EP300: variants seen among roughly 807,000 people sequenced by gnomAD.
EP300 encodes histone acetyltransferase p300.
A neutral mutation model predicts 264.0 loss-of-function variants in EP300; 31 were observed. The observed-to-expected ratio is 0.12, with a 90% CI of 0.09 to 0.16. The LOEUF is 0.16. Among genes scored for constraint, EP300 ranks in the 10% least tolerant of loss-of-function variants. The pLI is 1.00. For synonymous variants in EP300, 1,340 were observed against 1,045.4 expected, an observed-to-expected ratio of 1.28 and a Z score of -5.44; for missense variants, 2,766 against 3,052.9, an observed-to-expected ratio of 0.91 and a Z score of 2.21.
intron 4 of EP300, among the ~76,000 whole-genome samples, chr22:41,129,018 G>GTTTT (rs545122020): frequency 4.1e-5 from 6 of 147,474 alleles, no homozygotes; most frequent in South Asian, 4.3e-4. Context: ...TAAAAACACA[G>GTTTT]TTTTTTTTTT....
chr22:41,143,786 C>G (rs1033784141), intron 10 of EP300, among the ~76,000 whole-genome samples: 1 of 152,148 alleles, frequency 6.6e-6, no homozygotes, highest in Non-Finnish European at 1.5e-5. Flanking sequence ...ACCATGTTGG[C>G]CAACCTAGTC....
chr22:41,131,661 G>A (rs1278161132), intron 6 of EP300, 28 bp downstream of exon 6: 1 of 1,613,882 alleles, frequency 6.2e-7, no homozygotes, highest in South Asian at 1.1e-5. Context: ...TAATAACATG[G>A]TATTGGTTGT....
Position 41,176,978 on chromosome 22 carries a change from C to T in EP300, c.5267C>T (p.Pro1756Leu). ...CQCRNANCSL[P>L]SCQKMKRVVQ... is the part of the protein sequence containing the mutation. ...TGTCGGAATGCCAATTGCTCACTGCCATCCTGCCAGAAGATGAAGCGGGTT... is the reference window on the plus strand; with the variant it reads ...TGTCGGAATGCCAATTGCTCACTGCTATCCTGCCAGAAGATGAAGCGGGTT... The change falls in exon 31 of 31, where the codon CCA becomes CTA. Residue 1756 changes from proline to leucine, a missense_variant. Physicochemically the swap from Pro to Leu is moderately conservative, Grantham distance 98. Coordinates refer to ENST00000263253, the MANE Select transcript of EP300 (RefSeq NM_001429.4). 1 of 1,614,170 alleles carries T rather than the reference C, an allele frequency of 6.2e-7. No homozygotes were observed. Among genetic ancestry groups the T allele is most frequent in the South Asian group, 1.1e-5 (1 of 91,080 alleles).
chr22:41,155,223 A>G, intron 17 of EP300, 110 bp downstream of exon 17: 3 of 974,662 alleles, frequency 3.1e-6, no homozygotes, highest in South Asian at 2.7e-5. Flanking sequence ...TTTGTAATTC[A>G]GTGATTTTTT....
chr22:41,135,979 T>C (rs556730368), intron 7 of EP300, 73 bp downstream of exon 7: 2 of 1,166,862 alleles, frequency 1.7e-6, no homozygotes, highest in South Asian at 1.2e-5. Context: ...TGTTTGACTT[T>C]TGAACTTAGT....
In EP300 at chr22:41,113,160, C is replaced by CCCCA. The variant is rs1338285163; in HGVS notation, c.95-4024_95-4023insACCC. ...GGCTTGTTTGAATCAGGATTCCACC[C>CCCCA]CCCCCCCAACTTATGCTATGGATTT... On this transcript the variant is annotated intron_variant, in intron 1 of 30. Transcript: ENST00000263253. Among the ~76,000 whole-genome samples, 3 of 135,680 alleles carry CCCCA rather than the reference C, an allele frequency of 2.2e-5. 1 individual carries two copies. The East Asian group carries it at 7.1e-4, about 32-fold the overall frequency. The allele number at this position is 135,680 out of a possible 152,430, so 89.0% of individuals were successfully genotyped here.
chr22:41,093,907 A>G (rs75218061), intron 1 of EP300, among the ~76,000 whole-genome samples: 2,362 of 152,322 alleles, frequency 0.016, 46 homozygotes, highest in African/African-American at 0.05. Flanking sequence ...CCAATCATGA[A>G]CTACAAACGT....
intron 2 of EP300, among the ~76,000 whole-genome samples, chr22:41,122,534 C>T (rs1328391004): frequency 6.6e-6 from 1 of 152,084 alleles, no homozygotes; most frequent in Non-Finnish European, 1.5e-5. Flanking sequence ...CATCAAACTG[C>T]CACTTGTAAA....
At chr22:41,111,328 T>A (rs1435430938) in intron 1 of EP300, among the ~76,000 whole-genome samples, 2 of 152,216 alleles carry the variant, frequency 1.3e-5, no homozygotes, top group East Asian at 3.8e-4. Flanking sequence ...ATACAGAAAT[T>A]CACTTTGATA....
At chr22:41,152,422 G>A (rs1389077406) in intron 16 of EP300, 72 bp downstream of exon 16, 1 of 1,535,502 alleles carries the variant, frequency 6.5e-7, no homozygotes, top group Non-Finnish European at 8.9e-7. Flanking sequence ...TTGCGGTCAT[G>A]CCTCTTGGGC....
intron 22 of EP300, among the ~76,000 whole-genome samples, chr22:41,166,398 C>G: frequency 6.6e-6 from 1 of 152,130 alleles, no homozygotes; most frequent in East Asian, 1.9e-4. Context: ...CTTCATGTTT[C>G]TTCATGTCTG....
chr22:41,134,402 G>T (rs544902723), intron 6 of EP300, among the ~76,000 whole-genome samples: 1 of 152,110 alleles, frequency 6.6e-6, no homozygotes, highest in South Asian at 2.1e-4. Context: ...CACTGTGTGT[G>T]TATGTGTGTG....
At chr22:41,141,618 ACT>A (rs1044269719) in intron 10 of EP300, among the ~76,000 whole-genome samples, 1 of 151,734 alleles carries the variant, frequency 6.6e-6, no homozygotes, top group Non-Finnish European at 1.5e-5. Flanking sequence ...ATCATATTAC[ACT>A]GTCACACTTT....
chr22:41,161,178 A>G (rs574025743), intron 20 of EP300, among the ~76,000 whole-genome samples: 1 of 152,344 alleles, frequency 6.6e-6, no homozygotes, highest in African/African-American at 2.4e-5. Flanking sequence ...CTTGTAGGTT[A>G]ACAGAAGACC....
In EP300 at chr22:41,141,919, C is replaced by A. The variant is rs369768252; in HGVS notation, c.2053+697C>A. Among the ~76,000 whole-genome samples the A allele has an allele frequency of 2.0e-5, 3 of 152,232 alleles. No homozygotes were observed. In the East Asian group the frequency reaches 5.8e-4, roughly 29 times the overall value. ...CTCAAACTCCTGGCCTCAAATGATC[C>A]GCCCACCTTGGCATCCCAAAGTACT... On this transcript the variant is annotated intron_variant, in intron 10 of 30. Transcript: ENST00000263253.
chr22:41,162,852 A>C (rs1347857896), intron 21 of EP300, 73 bp downstream of exon 21: 1 of 1,250,112 alleles, frequency 8.0e-7, no homozygotes, highest in Admixed American at 1.7e-5. Flanking sequence ...TGAAGTTTGC[A>C]TGACCAATCA....
intron 1 of EP300, among the ~76,000 whole-genome samples, chr22:41,116,569 A>G (rs1039332232): frequency 2.6e-5 from 4 of 152,152 alleles, no homozygotes; most frequent in Non-Finnish European, 5.9e-5. Context: ...ATAGTATTCC[A>G]TGGTGTATAT....
chr22:41,143,526 T>A (rs2058994340), intron 10 of EP300, among the ~76,000 whole-genome samples: 1 of 152,184 alleles, frequency 6.6e-6, no homozygotes, highest in Admixed American at 6.5e-5. Flanking sequence ...GAAGAAAACA[T>A]AACATTCTCA....
chr22:41,125,319 C>T (rs1449998797), intron 2 of EP300, among the ~76,000 whole-genome samples: 1 of 151,784 alleles, frequency 6.6e-6, no homozygotes. Flanking sequence ...GGGGTTTCAC[C>T]ATGTTAGCCA....
Sources: allele counts gnomAD v4.1 joint callset (sites outside exome capture counted in the v4.1 genomes callset), GRCh38; gene constraint gnomAD v4.1.1; transcripts MANE v1.5; gene names NCBI Gene and HGNC (gene_info 2026-07-23, HGNC 2026-07-21).